CSNK1G1: variants seen among roughly 807,000 people sequenced by gnomAD.
CSNK1G1 encodes the protein casein kinase I isoform gamma-1.
In CSNK1G1, 22 loss-of-function variants were observed where a neutral mutation model predicts 59.6. The ratio of observed to expected loss-of-function variants is 0.37; its 90% CI spans 0.26 to 0.53. The LOEUF (loss-of-function observed/expected upper bound fraction) is 0.53, where lower values mean the gene tolerates loss of function less well. Ranked by LOEUF, CSNK1G1 falls within the 20% of genes least tolerant of loss-of-function variation. The pLI is 0.89. For synonymous variants in CSNK1G1, 179 were observed against 177.1 expected (o/e 1.01, Z -0.08); for missense variants, 384 against 519.5 (o/e 0.74, Z 2.54).
chr15:64,274,621 T>C (rs563959669), intron 2 of CSNK1G1, among the ~76,000 whole-genome samples: 1 of 152,336 alleles, frequency 6.6e-6, no homozygotes, highest in South Asian at 2.1e-4. Flanking sequence ...ACAGTAGTTT[T>C]TGGAGCTTTA....
intron 4 of CSNK1G1, among the ~76,000 whole-genome samples, chr15:64,221,771 AAAC>A (rs778326963): frequency 5.9e-5 from 9 of 152,044 alleles, no homozygotes; most frequent in Non-Finnish European, 1.3e-4. Context: ...AAAAGTCAGG[AAAC>A]AACAGATGCT....
chr15:64,183,937 A>T (rs1234557313), intron 10 of CSNK1G1, among the ~76,000 whole-genome samples: 2 of 151,984 alleles, frequency 1.3e-5, no homozygotes, highest in African/African-American at 2.4e-5. Context: ...GGGTTTCACC[A>T]TATTGGCCAG....
chr15:64,310,526 G>A (rs1205702405), intron 1 of CSNK1G1, among the ~76,000 whole-genome samples: 1 of 148,368 alleles, frequency 6.7e-6, no homozygotes, highest in Non-Finnish European at 1.5e-5. Context: ...GACCAACCTG[G>A]GTGATGTGGT....
In CSNK1G1 at chr15:64,299,607, T is replaced by A. The variant is rs538296099; in HGVS notation, c.181+712A>T. 1.0e-4 allele frequency among the ~76,000 whole-genome samples: 15 copies of A among 150,568 alleles called. No individual in the cohort carries two copies. In the East Asian group the frequency reaches 1.2e-3, roughly 12 times the overall value. ...ACTCCATCTCAAAAAAAAAAAAATT[T>A]TATATATATATATAAATACCCAATG... On this transcript the variant is annotated intron_variant, in intron 2 of 11. Transcript: ENST00000303052.
intron 10 of CSNK1G1, chr15:64,181,123 A>G (rs1007280027): frequency 2.1e-6 from 3 of 1,443,794 alleles, no homozygotes; most frequent in Non-Finnish European, 2.7e-6. Context: ...CAAGATTGTC[A>G]CATCCTCTCC....
At chr15:64,189,395 G>T in intron 10 of CSNK1G1, 1 of 1,275,160 alleles carries the variant, frequency 7.8e-7, no homozygotes, top group South Asian at 1.3e-5. Flanking sequence ...CTTTTGTCCA[G>T]AAGAATCTGT....
chr15:64,268,524 G>A (rs747651550), intron 2 of CSNK1G1, among the ~76,000 whole-genome samples: 4 of 152,166 alleles, frequency 2.6e-5, no homozygotes, highest in Admixed American at 6.6e-5. Context: ...GAGTTTGCAT[G>A]TTCTCCTCAT....
At chr15:64,223,437 A>G (rs1237971229) in intron 4 of CSNK1G1, among the ~76,000 whole-genome samples, 4 of 152,208 alleles carry the variant, frequency 2.6e-5, no homozygotes, top group Non-Finnish European at 5.9e-5. Flanking sequence ...ATGGAAAGGA[A>G]GTGGGAGACT....
chr15:64,231,947 T>C (rs967731288), intron 4 of CSNK1G1, among the ~76,000 whole-genome samples: 7 of 152,210 alleles, frequency 4.6e-5, no homozygotes, highest in Non-Finnish European at 1.0e-4. Context: ...GCAGAGATCA[T>C]CTTATTTATA....
At position 64,305,572 on chromosome 15, in the gene CSNK1G1, G is replaced by T. The variant is rs1895635509; in HGVS notation, c.-224-4849C>A. ...TCTCTACAAAATAAAAATAAAAATT[G>T]GCCGGGCAAGGTGGTATACACCTAT... On this transcript the variant is annotated intron_variant, in intron 1 of 11. Coordinates refer to ENST00000303052, the MANE Select transcript of CSNK1G1 (RefSeq NM_022048.5). Among the ~76,000 whole-genome samples the T allele has an allele frequency of 3.3e-5, 5 of 151,340 alleles. No homozygotes were observed. The South Asian group carries it at 1.0e-3, about 32-fold the overall frequency.
At chr15:64,186,237 G>C (rs1400816751) in intron 10 of CSNK1G1, among the ~76,000 whole-genome samples, 1 of 152,138 alleles carries the variant, frequency 6.6e-6, no homozygotes. Flanking sequence ...CTCCCAAGTA[G>C]CTGGGACTAC....
chr15:64,315,648 G>A (rs1218738302), intron 1 of CSNK1G1: 6 of 152,200 alleles, frequency 3.9e-5, no homozygotes, highest in Admixed American at 2.0e-4. Context: ...AAAAGCCTGA[G>A]CCCTCCTCCC....
chr15:64,224,121 T>C (rs1475261333), intron 4 of CSNK1G1, among the ~76,000 whole-genome samples: 3 of 152,262 alleles, frequency 2.0e-5, no homozygotes, highest in Non-Finnish European at 4.4e-5. Flanking sequence ...TACCTAACTA[T>C]GAAGGACAAC....
rs960065125 is a variant in CSNK1G1 at position 64,188,956 on chromosome 15, T to A, written c.1108-8502A>T. 6.6e-6 allele frequency among the ~76,000 whole-genome samples: 1 copy of A among 152,054 alleles called. No individual in the cohort carries two copies. On this transcript the variant is annotated intron_variant, in intron 10 of 11. Transcript: ENST00000303052. This position sits in a 1 kb window ranked among gnomAD's most constrained non-coding sequence, Gnocchi z 4.2. ...GCCTGACCAACATGGTGAAAGCCTG[T>A]CTCTACTAAAATTACAAAAATGAGC...
intron 10 of CSNK1G1, among the ~76,000 whole-genome samples, chr15:64,185,872 A>G (rs1019872565): frequency 6.6e-6 from 1 of 151,828 alleles, no homozygotes; most frequent in African/African-American, 2.4e-5. Flanking sequence ...GAAAAAAAAA[A>G]AAAAAAAGAG....
At chr15:64,294,912 CAAAA>C (rs937758323) in intron 2 of CSNK1G1, among the ~76,000 whole-genome samples, 4 of 51,152 alleles carry the variant, frequency 7.8e-5, no homozygotes, top group Admixed American at 4.8e-4. Context: ...AACTTCGTCT[CAAAA>C]AAAAAAAAAA....
chr15:64,173,269 A>C (rs1470893008), intron 11 of CSNK1G1, among the ~76,000 whole-genome samples: 2 of 152,212 alleles, frequency 1.3e-5, no homozygotes, highest in Non-Finnish European at 2.9e-5. Flanking sequence ...CATCCAATGG[A>C]CTAGTTATAA....
intron 4 of CSNK1G1, among the ~76,000 whole-genome samples, chr15:64,217,846 TA>T (rs934029849): frequency 6.6e-6 from 1 of 151,974 alleles, no homozygotes; most frequent in African/African-American, 2.4e-5. Context: ...ATAGAACACT[TA>T]AAAAATTATC....
In CSNK1G1 at chr15:64,308,639, A is replaced by G. The variant is rs562612834; in HGVS notation, c.-224-7916T>C. ...TGGCCAGGCGCGGTGGCTCACATCT[A>G]TAATCCCAGCACTTTGGGAGGCCGA... On this transcript the variant is annotated intron_variant, in intron 1 of 11. Transcript: ENST00000303052. 1.6e-3 allele frequency among the ~76,000 whole-genome samples: 248 copies of G among 152,112 alleles called. 2 individuals are homozygous for G. The highest frequency in any genetic ancestry group is 5.7e-3 in the African/African-American group (238 of 41,530).
Sources: gnomAD v4.1 joint callset for allele counts (sites outside exome capture counted in the v4.1 genomes callset) on GRCh38, gnomAD v4.1.1 for gene constraint, Gnocchi (gnomAD v3.1) non-coding constraint, MANE v1.5 for transcripts, NCBI Gene and HGNC (gene_info 2026-07-23, HGNC 2026-07-21) for gene names.